SCML4: variants seen among roughly 807,000 people sequenced by gnomAD.
The protein encoded by SCML4 is sex comb on midleg-like protein 4.
In SCML4, 34 loss-of-function variants were observed where a neutral mutation model predicts 41.1. The ratio of observed to expected loss-of-function variants is 0.83; its 90% CI spans 0.63 to 1.10. SCML4 has a LOEUF of 1.10. SCML4 is among the 50% of genes least tolerant of loss of function. The pLI is 0.00. For missense variants in SCML4, 522 were observed against 534.1 expected, an observed-to-expected ratio of 0.98 and a Z score of 0.22; for synonymous variants, 214 against 220.9, an observed-to-expected ratio of 0.97 and a Z score of 0.28.
chr6:107,790,703 C>T (rs929994001), intron 1 of SCML4, among the ~76,000 whole-genome samples: 1 of 152,182 alleles, frequency 6.6e-6, no homozygotes, highest in Admixed American at 6.5e-5. Flanking sequence ...AAGGCACACA[C>T]AGCATCAGGA....
intron 1 of SCML4, among the ~76,000 whole-genome samples, chr6:107,772,706 TG>T (rs1780617628): frequency 6.6e-6 from 1 of 152,232 alleles, no homozygotes; most frequent in Non-Finnish European, 1.5e-5. Context: ...TGACTTTGTC[TG>T]TGTCTCAGTT....
intron 1 of SCML4, among the ~76,000 whole-genome samples, chr6:107,781,979 C>A (rs538370818): frequency 2.0e-5 from 3 of 152,186 alleles, no homozygotes; most frequent in Non-Finnish European, 2.9e-5. Flanking sequence ...ATTGGCTAAA[C>A]CTGTAAAAGC....
chr6:107,797,368 T>C (rs1187332740), intron 1 of SCML4, among the ~76,000 whole-genome samples: 2 of 152,106 alleles, frequency 1.3e-5, no homozygotes, highest in African/African-American at 4.8e-5. Flanking sequence ...AATTAATCAC[T>C]AAGTCTATTT....
At chr6:107,804,599 T>A (rs1258028498) in intron 1 of SCML4, among the ~76,000 whole-genome samples, 2 of 150,038 alleles carry the variant, frequency 1.3e-5, no homozygotes, top group Non-Finnish European at 3.0e-5. Flanking sequence ...ATTTAATTTT[T>A]AAATATGGCT....
chr6:107,845,534 A>G, the SCML4 span, among the ~76,000 whole-genome samples: 30 of 152,232 alleles, frequency 2.0e-4, 1 homozygote, highest in Non-Finnish European at 7.3e-5. Context: ...ATGGAGGAAA[A>G]GGGATTTTCT....
At chr6:107,771,564 T>C (rs913256205) in intron 2 of SCML4, among the ~76,000 whole-genome samples, 9 of 152,210 alleles carry the variant, frequency 5.9e-5, no homozygotes, top group African/African-American at 2.2e-4. Flanking sequence ...CTAATTCTTA[T>C]AAGGGTCACA....
At chr6:107,713,547 C>T (rs1728128) in intron 6 of SCML4, among the ~76,000 whole-genome samples, 4 of 152,112 alleles carry the variant, frequency 2.6e-5, no homozygotes, top group Non-Finnish European at 4.4e-5. Flanking sequence ...TCATTCTCTA[C>T]GGACCTCATT....
chr6:107,784,463 G>A (rs2114601002), intron 1 of SCML4, among the ~76,000 whole-genome samples: 1 of 152,322 alleles, frequency 6.6e-6, no homozygotes, highest in South Asian at 2.1e-4. Context: ...GAAGATGCAT[G>A]TAAGCATTTC....
intron 2 of SCML4, among the ~76,000 whole-genome samples, chr6:107,756,332 C>T (rs1047092328): frequency 2.6e-5 from 4 of 152,172 alleles, no homozygotes; most frequent in Non-Finnish European, 4.4e-5. Flanking sequence ...GATGAAAATG[C>T]CACGTCACCT....
chr6:107,822,587 C>T (rs1011514085), intron 1 of SCML4, among the ~76,000 whole-genome samples: 4 of 146,586 alleles, frequency 2.7e-5, no homozygotes, highest in Non-Finnish European at 5.9e-5. Context: ...CATGAAAGAA[C>T]TGGATTTTTG....
chr6:107,841,879 G>A, the SCML4 span, among the ~76,000 whole-genome samples: 1 of 152,102 alleles, frequency 6.6e-6, no homozygotes, highest in Admixed American at 6.6e-5. Flanking sequence ...AGAGACTTAG[G>A]ACTCTCATGG....
intron 1 of SCML4, among the ~76,000 whole-genome samples, chr6:107,808,491 CA>C (rs770260719): frequency 6.6e-6 from 1 of 152,082 alleles, no homozygotes; most frequent in Non-Finnish European, 1.5e-5. Context: ...AGGCTGGTCT[CA>C]AACTCCTGGC....
At chr6:107,770,898 G>T (rs1314937722) in intron 2 of SCML4, among the ~76,000 whole-genome samples, 1 of 152,186 alleles carries the variant, frequency 6.6e-6, no homozygotes, top group African/African-American at 2.4e-5. Context: ...CAGAAAGGCT[G>T]CCCTGCTCCA....
At chr6:107,745,221 T>G in intron 4 of SCML4, 78 bp from the exon 5 acceptor site, 3 of 1,101,634 alleles carry the variant, frequency 2.7e-6, no homozygotes, top group Non-Finnish European at 3.8e-6. Context: ...GTGAGGATTT[T>G]TCGTTTGTTC....
the SCML4 span, among the ~76,000 whole-genome samples, chr6:107,839,395 AAG>A: frequency 2.1e-5 from 3 of 140,536 alleles, no homozygotes; most frequent in Non-Finnish European, 4.7e-5. Context: ...GAAAGAAAGA[AAG>A]AAAGAAAGAA....
Position 107,720,785 on chromosome 6 carries a change from A to G in SCML4, c.891T>C (p.Ser297=), listed in dbSNP as rs1215300295. Residue 297 remains serine (S), a synonymous_variant, in exon 6 of 8, where the codon TCT becomes TCC. Coordinates refer to ENST00000369020, the MANE Select transcript of SCML4 (RefSeq NM_198081.5). ...TCAGCCCAGGTGCCGAGGGGCCACC[A>G]GAAGACATGGGGCTAGTGCGGGGAC... ...AGGPRTSPMS[S]GGPSAPGLRP... The G allele has an allele frequency of 6.2e-7, 1 of 1,613,556 alleles. No homozygotes were observed.
chr6:107,737,030 T>C (rs1205952687), intron 5 of SCML4, among the ~76,000 whole-genome samples: 1 of 152,244 alleles, frequency 6.6e-6, no homozygotes, highest in African/African-American at 2.4e-5. Flanking sequence ...CTCACATTTG[T>C]GGTTTCCAAA....
chr6:107,788,849 G>A (rs548289713), intron 1 of SCML4, among the ~76,000 whole-genome samples: 2 of 152,320 alleles, frequency 1.3e-5, no homozygotes, highest in African/African-American at 4.8e-5. Context: ...AAAGTAAAAT[G>A]TCACCAGGTC....
At chr6:107,842,989 T>C in the SCML4 span, among the ~76,000 whole-genome samples, 8 of 152,132 alleles carry the variant, frequency 5.3e-5, no homozygotes, top group Non-Finnish European at 8.8e-5. Flanking sequence ...AATGCTTACA[T>C]GGTGTTTATT....
Sources: gnomAD v4.1 joint callset for allele counts (sites outside exome capture counted in the v4.1 genomes callset) on GRCh38, gnomAD v4.1.1 for gene constraint, MANE v1.5 for transcripts, NCBI Gene and HGNC (gene_info 2026-07-23, HGNC 2026-07-21) for gene names.